ZFAND3: variants seen among roughly 807,000 people sequenced by gnomAD.
ZFAND3 encodes AN1-type zinc finger protein 3.
In ZFAND3, 10 loss-of-function variants were observed where a neutral mutation model predicts 29.6. The observed-to-expected ratio is 0.34, with a 90% CI of 0.21 to 0.57. The LOEUF (loss-of-function observed/expected upper bound fraction) is 0.57. Among genes scored for constraint, ZFAND3 ranks in the 20% least tolerant of loss-of-function variants. The pLI, the probability that ZFAND3 is intolerant of heterozygous loss-of-function variation, is 0.86. For missense variants in ZFAND3, 230 were observed against 304.5 expected, an observed-to-expected ratio of 0.76 and a Z score of 1.82; for synonymous variants, 128 against 112.6, an observed-to-expected ratio of 1.14 and a Z score of -0.87.
chr6:38,113,727 CCTTA>C lies in ZFAND3; in HGVS notation c.362-2840_362-2837del, dbSNP rs139814045. ...AAATTTTTCTTCACATATCTAACTC[CCTTA>C]CTTATTTGGACATAGTTACCTTATG... On this transcript the variant is annotated intron_variant, in intron 4 of 5. Transcript: ENST00000287218. Among the ~76,000 whole-genome samples, 468 of 152,226 alleles carry C rather than the reference CCTTA, an allele frequency of 3.1e-3. 2 individuals carry two copies. Among genetic ancestry groups the C allele is most frequent in the African/African-American group, 0.011 (446 of 41,516 alleles).
chr6:37,970,761 C>T (rs948490078), intron 2 of ZFAND3, among the ~76,000 whole-genome samples: 27 of 151,890 alleles, frequency 1.8e-4, no homozygotes, highest in African/African-American at 5.6e-4. Context: ...AAAAATTAGC[C>T]GGCCGTGGTG....
chr6:38,051,600 A>G (rs1764027214), intron 2 of ZFAND3, among the ~76,000 whole-genome samples: 1 of 152,174 alleles, frequency 6.6e-6, no homozygotes, highest in Non-Finnish European at 1.5e-5. Flanking sequence ...TTTTGTTTTT[A>G]GGCTCCAACT....
chr6:38,033,464 T>C (rs1043071073), intron 2 of ZFAND3, among the ~76,000 whole-genome samples: 1 of 152,180 alleles, frequency 6.6e-6, no homozygotes, highest in African/African-American at 2.4e-5. Context: ...AACCTTCCCC[T>C]CGTCACCTCA....
intron 2 of ZFAND3, among the ~76,000 whole-genome samples, chr6:38,033,013 C>A (rs962129348): frequency 3.3e-5 from 5 of 152,076 alleles, no homozygotes; most frequent in African/African-American, 1.2e-4. Context: ...GTCATAGTTA[C>A]TTTGTGGGCT....
chr6:37,851,052 T>C (rs899394032), intron 1 of ZFAND3, among the ~76,000 whole-genome samples: 5 of 151,846 alleles, frequency 3.3e-5, no homozygotes, highest in Admixed American at 6.6e-5. Flanking sequence ...CTCTTTTTTT[T>C]TTTTTTCTTT....
rs59017250 is a variant in ZFAND3, at chr6:37,912,030, C to CTGTGTGTGTGTGTGTG, written c.72-17902_72-17887dup. Among the ~76,000 whole-genome samples the CTGTGTGTGTGTGTGTG allele has an allele frequency of 1.9e-4, 27 of 139,802 alleles. No individual in the cohort carries two copies. In the Middle Eastern group the frequency reaches 0.011, roughly 55 times the overall value. 91.7% of individuals were successfully genotyped at this position (139,802 alleles called of 152,430 possible). ...GATCTGTCTTCTGCCAGTCTTTTAT[C>CTGTGTGTGTGTGTGTG]TGTGTGTGTGTGTGTGTGTGTGTGT... On this transcript the variant is annotated intron_variant, in intron 1 of 5. Coordinates refer to ENST00000287218, the MANE Select transcript of ZFAND3 (RefSeq NM_021943.3).
chr6:37,939,829 C>A (rs1216983169), intron 2 of ZFAND3, among the ~76,000 whole-genome samples: 4 of 152,116 alleles, frequency 2.6e-5, no homozygotes, highest in Non-Finnish European at 5.9e-5. Context: ...ATCACGAGGT[C>A]AGGAGTTTGA....
chr6:38,092,914 C>T (rs1764902301), intron 4 of ZFAND3, among the ~76,000 whole-genome samples: 1 of 152,066 alleles, frequency 6.6e-6, no homozygotes, highest in Admixed American at 6.6e-5. Context: ...TGTGTAGTAC[C>T]CTCAAAACTA....
chr6:37,911,640 T>A (rs887084471), intron 1 of ZFAND3, among the ~76,000 whole-genome samples: 2 of 152,184 alleles, frequency 1.3e-5, no homozygotes, highest in Non-Finnish European at 2.9e-5. Flanking sequence ...ATAGATTTTA[T>A]AGAAATAATG....
At chr6:37,887,056 A>T (rs115634034) in intron 1 of ZFAND3, among the ~76,000 whole-genome samples, 28 of 149,128 alleles carry the variant, frequency 1.9e-4, no homozygotes, top group South Asian at 4.2e-4. Context: ...TCATACTCCT[A>T]TTCCTTAATC....
intron 2 of ZFAND3, among the ~76,000 whole-genome samples, chr6:38,008,647 C>T (rs908722325): frequency 3.3e-5 from 5 of 152,140 alleles, no homozygotes; most frequent in Admixed American, 3.3e-4. Context: ...TCTCCCCCTC[C>T]ACCACCATCT....
chr6:37,961,095 G>T (rs933722892), intron 2 of ZFAND3, among the ~76,000 whole-genome samples: 6 of 152,210 alleles, frequency 3.9e-5, no homozygotes, highest in Middle Eastern at 3.4e-3. Context: ...AATAATCAGT[G>T]CTCTTAGGAT....
At chr6:37,852,952 A>G (rs1437322358) in intron 1 of ZFAND3, among the ~76,000 whole-genome samples, 1 of 151,908 alleles carries the variant, frequency 6.6e-6, no homozygotes, top group Admixed American at 6.6e-5. Context: ...TTTCTTCACT[A>G]TAGATGTCTT....
At chr6:38,105,755 A>G (rs144465777) in intron 4 of ZFAND3, among the ~76,000 whole-genome samples, 38 of 152,326 alleles carry the variant, frequency 2.5e-4, no homozygotes, top group Admixed American at 7.8e-4. Flanking sequence ...TTGTAACTAC[A>G]TGGGAACCTA....
chr6:38,124,903 A>C (rs1253645973), intron 5 of ZFAND3, among the ~76,000 whole-genome samples: 1 of 151,858 alleles, frequency 6.6e-6, no homozygotes, highest in Non-Finnish European at 1.5e-5. Flanking sequence ...TAAGCAAAAG[A>C]CCCCGGCCTT....
intron 5 of ZFAND3, among the ~76,000 whole-genome samples, chr6:38,123,308 A>G (rs1047057269): frequency 2.3e-4 from 35 of 152,328 alleles, no homozygotes; most frequent in African/African-American, 8.2e-4. Context: ...TGTTGGGGAC[A>G]TGCATTACCA....
chr6:37,864,771 A>G (rs1561915237), intron 1 of ZFAND3, among the ~76,000 whole-genome samples: 1 of 131,746 alleles, frequency 7.6e-6, no homozygotes, highest in Non-Finnish European at 1.8e-5. Flanking sequence ...ACACACACAC[A>G]TGCACACATA....
chr6:37,847,751 G>A (rs1764209019), intron 1 of ZFAND3, among the ~76,000 whole-genome samples: 1 of 152,078 alleles, frequency 6.6e-6, no homozygotes, highest in Non-Finnish European at 1.5e-5. Context: ...GCCAGATCTG[G>A]CCAGTGAATT....
chr6:38,147,228 G>A (rs1003945225), intron 5 of ZFAND3, among the ~76,000 whole-genome samples: 4 of 152,128 alleles, frequency 2.6e-5, no homozygotes, highest in Admixed American at 6.5e-5. Context: ...CTGAATATAA[G>A]TGAGAACATG....
Sources: allele counts gnomAD v4.1 joint callset (sites outside exome capture counted in the v4.1 genomes callset), GRCh38; gene constraint gnomAD v4.1.1; transcripts MANE v1.5; gene names NCBI Gene and HGNC (gene_info 2026-07-23, HGNC 2026-07-21).